GALNTL6: variants seen among roughly 807,000 people sequenced by gnomAD.
GALNTL6 encodes the protein polypeptide N-acetylgalactosaminyltransferase-like 6.
GALNTL6 carries 46 observed loss-of-function variants against 73.7 expected under a neutral mutation model. The observed-to-expected ratio is 0.62, with a 90% CI of 0.49 to 0.80. GALNTL6 has a LOEUF of 0.80. Ranked by LOEUF, GALNTL6 falls within the 30% of genes least tolerant of loss-of-function variation. GALNTL6 has a pLI of 0.00. For missense variants in GALNTL6, 604 were observed against 755.0 expected, an observed-to-expected ratio of 0.80 and a Z score of 2.34; for synonymous variants, 259 against 263.7, an observed-to-expected ratio of 0.98 and a Z score of 0.17.
chr4:172,061,675 T>A (rs1209573618), intron 2 of GALNTL6, among the ~76,000 whole-genome samples: 1 of 152,166 alleles, frequency 6.6e-6, no homozygotes, highest in Non-Finnish European at 1.5e-5. Flanking sequence ...CTTTTTTTTC[T>A]GTTACCTACC....
chr4:172,457,469 T>G (rs894285578), intron 5 of GALNTL6, among the ~76,000 whole-genome samples: 4 of 152,120 alleles, frequency 2.6e-5, no homozygotes, highest in Non-Finnish European at 4.4e-5. Flanking sequence ...AGGAGGCCTA[T>G]CTCACGTGCA....
At chr4:172,871,592 G>C (rs72708716) in intron 7 of GALNTL6, among the ~76,000 whole-genome samples, 1 of 128,436 alleles carries the variant, frequency 7.8e-6, no homozygotes, top group African/African-American at 2.8e-5. Flanking sequence ...TGACTCTGGG[G>C]GGGGTGTGTG....
rs61515126 is a variant in GALNTL6 at position 172,809,244 on chromosome 4, A to G, written c.554-117A>G. Reference sequence around the variant, plus strand: ...GTATCTCCCATCTAGATGAGGAGACAAGAATGTTACCCCAGGATTCATCAG... The same window carrying G: ...GTATCTCCCATCTAGATGAGGAGACGAGAATGTTACCCCAGGATTCATCAG... On this transcript the variant is annotated intron_variant, in intron 5 of 12. Coordinates refer to ENST00000506823, the MANE Select transcript of GALNTL6 (RefSeq NM_001034845.3). The surrounding 1 kb of genome is among the most constrained non-coding windows in gnomAD (Gnocchi z 4.4). 3,294 of 768,786 alleles carry G rather than the reference A, an allele frequency of 4.3e-3. 64 individuals carry two copies. In the African/African-American group the frequency reaches 0.048, roughly 11 times the overall value. The allele number at this position is 768,786 out of a possible 1,614,324, so 47.6% of individuals were successfully genotyped here.
At chr4:172,218,567 A>G (rs1736570432) in intron 2 of GALNTL6, among the ~76,000 whole-genome samples, 1 of 152,048 alleles carries the variant, frequency 6.6e-6, no homozygotes, top group Admixed American at 6.6e-5. Flanking sequence ...GGGACTCTCT[A>G]GATTTTCATA....
chr4:172,524,309 T>C (rs1046799454), intron 5 of GALNTL6, among the ~76,000 whole-genome samples: 1 of 151,922 alleles, frequency 6.6e-6, no homozygotes, highest in Non-Finnish European at 1.5e-5. Flanking sequence ...AGTGCAGTGG[T>C]GCAGTCTTGG....
At chr4:172,033,281 A>G (rs17057936) in intron 2 of GALNTL6, among the ~76,000 whole-genome samples, 2,387 of 152,176 alleles carry the variant, frequency 0.016, 56 homozygotes, top group African/African-American at 0.054. Flanking sequence ...CATTTGTCAA[A>G]TGCTTGTGTT....
chr4:172,216,206 A>G lies in GALNTL6; in HGVS notation c.139-13450A>G, dbSNP rs1414350079. On this transcript the variant is annotated intron_variant, in intron 2 of 12. Transcript: ENST00000506823. ...TTGTCCCTGAAGATTTTCTTTTAAC[A>G]TTTATTGTTGGGAAGCTCTCCTGGA... is the stretch of plus-strand genomic sequence containing the variant. Among the ~76,000 whole-genome samples the G allele has an allele frequency of 2.0e-5, 3 of 152,038 alleles. No homozygotes were observed. In the East Asian group the frequency reaches 5.8e-4, roughly 29 times the overall value.
intron 5 of GALNTL6, among the ~76,000 whole-genome samples, chr4:172,805,938 T>G (rs1264248135): frequency 2.0e-5 from 3 of 152,158 alleles, no homozygotes; most frequent in African/African-American, 7.2e-5. Flanking sequence ...AGTAATAGTA[T>G]CTAATTTTAT....
chr4:172,856,473 A>C (rs754788331), intron 7 of GALNTL6, among the ~76,000 whole-genome samples: 9 of 152,204 alleles, frequency 5.9e-5, no homozygotes, highest in Non-Finnish European at 1.0e-4. Flanking sequence ...CCATGCTTTA[A>C]AAGGAAGTAA....
intron 2 of GALNTL6, among the ~76,000 whole-genome samples, chr4:172,126,814 A>G (rs1031194717): frequency 6.6e-6 from 1 of 152,132 alleles, no homozygotes; most frequent in Non-Finnish European, 1.5e-5. Context: ...TGGGGTCCCA[A>G]CAGTCCCTGC....
At chr4:172,615,189 T>TTA (rs369180370) in intron 5 of GALNTL6, among the ~76,000 whole-genome samples, 2 of 147,016 alleles carry the variant, frequency 1.4e-5, no homozygotes. Context: ...GCAGGTAGTT[T>TTA]AAAAAAAAAA....
intron 3 of GALNTL6, among the ~76,000 whole-genome samples, chr4:172,309,393 A>T (rs933582721): frequency 2.1e-5 from 3 of 139,856 alleles, no homozygotes; most frequent in Admixed American, 7.8e-5. Flanking sequence ...TGAAAAATAT[A>T]AAAATCTCTA....
intron 5 of GALNTL6, among the ~76,000 whole-genome samples, chr4:172,749,759 A>C (rs758148836): frequency 6.6e-6 from 1 of 151,990 alleles, no homozygotes; most frequent in Admixed American, 6.6e-5. Context: ...AAGAATTAGC[A>C]TCTTAATATT....
chr4:172,451,966 G>T (rs924864475), intron 5 of GALNTL6, among the ~76,000 whole-genome samples: 4 of 152,130 alleles, frequency 2.6e-5, no homozygotes, highest in Non-Finnish European at 5.9e-5. Context: ...AACTGTGATT[G>T]TACCGCTGCA....
intron 2 of GALNTL6, among the ~76,000 whole-genome samples, chr4:172,015,892 C>A (rs779931171): frequency 1.5e-4 from 22 of 147,156 alleles, no homozygotes; most frequent in Non-Finnish European, 1.9e-4. Context: ...TATAAGCTAC[C>A]TGCTGAGAAA....
chr4:172,855,457 G>A (rs769516270), intron 7 of GALNTL6, among the ~76,000 whole-genome samples: 1 of 152,064 alleles, frequency 6.6e-6, no homozygotes, highest in Non-Finnish European at 1.5e-5. Context: ...CAAATCCTAC[G>A]GGATGTAATA....
At chr4:172,428,353 G>T (rs74605527) in intron 5 of GALNTL6, among the ~76,000 whole-genome samples, 1 of 152,122 alleles carries the variant, frequency 6.6e-6, no homozygotes, top group African/African-American at 2.4e-5. Context: ...AATACAAAAA[G>T]TAAAATGGCG....
intron 2 of GALNTL6, among the ~76,000 whole-genome samples, chr4:171,920,626 T>C (rs375438410): frequency 1.4e-4 from 22 of 152,292 alleles, no homozygotes; most frequent in East Asian, 1.3e-3. Context: ...TATTTTACAA[T>C]GTAGTACATC....
intron 5 of GALNTL6, among the ~76,000 whole-genome samples, chr4:172,479,714 G>T (rs1056407195): frequency 3.9e-5 from 6 of 152,106 alleles, no homozygotes; most frequent in African/African-American, 1.4e-4. Flanking sequence ...GAAGTAAAAG[G>T]AAAAAGAATC....
Sources: allele counts gnomAD v4.1 joint callset (sites outside exome capture counted in the v4.1 genomes callset), GRCh38; gene constraint gnomAD v4.1.1; non-coding constraint Gnocchi (gnomAD v3.1); transcripts MANE v1.5; gene names NCBI Gene and HGNC (gene_info 2026-07-23, HGNC 2026-07-21).